The following ZNF710 variants were observed in gnomAD, a reference collection of about 807,000 sequenced individuals.
ZNF710 encodes zinc finger protein 710.
ZNF710 carries 13 observed loss-of-function variants against 50.6 expected under a neutral mutation model. That is an observed-to-expected ratio of 0.26 (90% CI 0.17 to 0.41). The LOEUF is 0.41. Among genes scored for constraint, ZNF710 ranks in the 10% least tolerant of loss-of-function variants. The probability of loss-of-function intolerance (pLI) is 1.00; values close to 1 mark genes in which losing one functional copy is unlikely to be tolerated. For missense variants in ZNF710, 721 were observed against 936.6 expected (o/e 0.77, Z 3.01); for synonymous variants, 383 against 397.0 (o/e 0.96, Z 0.42).
chr15:90,021,004 G>T (rs541159115), intron 1 of ZNF710, among the ~76,000 whole-genome samples: 26 of 95,524 alleles, frequency 2.7e-4, no homozygotes, highest in Non-Finnish European at 4.5e-4. Context: ...GAGAGAGGGT[G>T]TGGCACCCCC....
chr15:90,039,493 A>T (rs1004421330), intron 1 of ZNF710, among the ~76,000 whole-genome samples: 2 of 152,082 alleles, frequency 1.3e-5, no homozygotes, highest in African/African-American at 2.4e-5. Flanking sequence ...CCACGACTGG[A>T]TGAGGTGGTC....
intron 2 of ZNF710, among the ~76,000 whole-genome samples, chr15:90,071,914 T>TCTGCC (rs1423961585): frequency 6.6e-6 from 1 of 152,156 alleles, no homozygotes; most frequent in Non-Finnish European, 1.5e-5. Context: ...GACCTTGTGA[T>TCTGCC]CTGCCCACCT....
upstream of ZNF710, among the ~76,000 whole-genome samples, chr15:89,999,125 G>A (rs947343097): frequency 1.3e-5 from 2 of 152,180 alleles, no homozygotes; most frequent in African/African-American, 4.8e-5. Flanking sequence ...TCTCTCCCAT[G>A]CATTTGGCTA....
chr15:90,010,232 T>A lies in ZNF710; in HGVS notation c.-29+8618T>A, dbSNP rs369520672. On this transcript the variant is annotated intron_variant, in intron 1 of 4. Coordinates refer to ENST00000268154, the MANE Select transcript of ZNF710 (RefSeq NM_198526.4). ...CTTTTGTTTTTAATCTAGTCTGATA[T>A]CTGTGCTCTTTAACCAGAGAGTTCA... Among the ~76,000 whole-genome samples, 5 of 152,306 alleles carry A rather than the reference T, an allele frequency of 3.3e-5. No individual in the cohort carries two copies. In the East Asian group the frequency reaches 7.7e-4, roughly 24 times the overall value.
chr15:90,015,731 G>A (rs1022008440), intron 1 of ZNF710, among the ~76,000 whole-genome samples: 21 of 151,906 alleles, frequency 1.4e-4, no homozygotes, highest in Admixed American at 3.9e-4. Context: ...AAGTATCTGG[G>A]AACACAGGCG....
At chr15:90,020,576 G>A (rs1205127258) in intron 1 of ZNF710, among the ~76,000 whole-genome samples, 3 of 152,256 alleles carry the variant, frequency 2.0e-5, no homozygotes, top group African/African-American at 7.2e-5. Flanking sequence ...GATGAGGGAC[G>A]TTTCGGTTTC....
upstream of ZNF710, among the ~76,000 whole-genome samples, chr15:90,000,699 T>A (rs1047155118): frequency 6.6e-6 from 1 of 152,176 alleles, no homozygotes; most frequent in Non-Finnish European, 1.5e-5. Flanking sequence ...TAAAAATACA[T>A]AAGTGAAGCA....
At chr15:90,057,673 G>A (rs1482826309) in intron 1 of ZNF710, among the ~76,000 whole-genome samples, 3 of 138,790 alleles carry the variant, frequency 2.2e-5, no homozygotes, top group African/African-American at 9.4e-5. Context: ...CTCCAGCCTG[G>A]GTTACAGAGC....
At chr15:90,006,852 C>T (rs1898152865) in intron 1 of ZNF710, 1 of 154,830 alleles carries the variant, frequency 6.5e-6, no homozygotes, top group Non-Finnish European at 1.5e-5. Context: ...GTCTGTAAAG[C>T]ACTGATGGAC....
intron 1 of ZNF710, among the ~76,000 whole-genome samples, chr15:90,047,247 C>A (rs1017416102): frequency 3.9e-5 from 6 of 152,226 alleles, no homozygotes; most frequent in African/African-American, 1.2e-4. Context: ...CCTCCCGTAA[C>A]TAACGTGTGG....
At chr15:90,013,589 C>T (rs1898371667) in intron 1 of ZNF710, among the ~76,000 whole-genome samples, 1 of 152,128 alleles carries the variant, frequency 6.6e-6, no homozygotes, top group Non-Finnish European at 1.5e-5. Flanking sequence ...CAACCAGAAC[C>T]TAAACCCACA....
At chr15:90,058,615 T>G (rs1899900494) in intron 1 of ZNF710, among the ~76,000 whole-genome samples, 1 of 151,952 alleles carries the variant, frequency 6.6e-6, no homozygotes, top group Non-Finnish European at 1.5e-5. Context: ...GTGGCCTGGC[T>G]GTCAGGGGAG....
intron 1 of ZNF710, among the ~76,000 whole-genome samples, chr15:90,045,205 C>G (rs908832177): frequency 6.6e-6 from 1 of 152,228 alleles, no homozygotes; most frequent in Non-Finnish European, 1.5e-5. Flanking sequence ...CTTCATCTCT[C>G]TAGCTCCTAG....
At chr15:90,050,344 T>C (rs1012665839) in intron 1 of ZNF710, among the ~76,000 whole-genome samples, 3 of 152,152 alleles carry the variant, frequency 2.0e-5, no homozygotes, top group Non-Finnish European at 4.4e-5. Flanking sequence ...GGCCATACTC[T>C]TCACCTGCCC....
rs1232804909 is a variant in ZNF710 at position 90,070,353 on chromosome 15, AT to A, written c.1458+1771del. Among the ~76,000 whole-genome samples, 976 of 138,542 alleles carry A rather than the reference AT, an allele frequency of 7.0e-3. 4 individuals are homozygous for A. Among genetic ancestry groups the A allele is most frequent in the Non-Finnish European group, 5.8e-3 (369 of 63,252 alleles). The allele number at this position is 138,542 out of a possible 152,430, so 90.9% of individuals were successfully genotyped here. ...TCTAGCCTGGGCAACATAGCAAGAC[AT>A]TTTTTTTTTTTTAAGAAAAAAAAAA... On this transcript the variant is annotated intron_variant, in intron 2 of 4. Transcript: ENST00000268154.
intron 1 of ZNF710, among the ~76,000 whole-genome samples, chr15:90,043,303 G>C (rs550998151): frequency 1.3e-5 from 2 of 152,380 alleles, no homozygotes; most frequent in South Asian, 4.1e-4. Context: ...CACCCAGGGG[G>C]CCGAGCTGCC....
rs188208899 is a variant in ZNF710 at position 90,058,923 on chromosome 15, C to G, written c.-28-8187C>G. ...CTTAAGGCCTTCAACTGATTGATGC[C>G]CACCCACATTATGGAGGGTCATCTG... is the stretch of plus-strand genomic sequence containing the variant. On this transcript the variant is annotated intron_variant, in intron 1 of 4. Transcript: ENST00000268154. Among the ~76,000 whole-genome samples, 561 of 152,192 alleles carry G rather than the reference C, an allele frequency of 3.7e-3. 3 individuals carry two copies. Among genetic ancestry groups the G allele is most frequent in the Admixed American group, 4.6e-3 (71 of 15,288 alleles).
At chr15:90,027,846 G>GAAA (rs11390221) in intron 1 of ZNF710, among the ~76,000 whole-genome samples, 1 of 133,354 alleles carries the variant, frequency 7.5e-6, no homozygotes. Flanking sequence ...ACACTGTCTC[G>GAAA]AAAAAAAAAA....
chr15:90,016,920 C>A (rs1052023009), intron 1 of ZNF710, among the ~76,000 whole-genome samples: 1 of 152,220 alleles, frequency 6.6e-6, no homozygotes, highest in South Asian at 2.1e-4. Context: ...TCAGACACTT[C>A]GAGGAGGATT....
Sources: allele counts gnomAD v4.1 joint callset (sites outside exome capture counted in the v4.1 genomes callset), GRCh38; gene constraint gnomAD v4.1.1; transcripts MANE v1.5; gene names NCBI Gene and HGNC (gene_info 2026-07-23, HGNC 2026-07-21).